The following SLC9C1 variants were observed in gnomAD, a reference collection of about 807,000 sequenced individuals.
SLC9C1 encodes solute carrier family 9 member C1.
Under a neutral mutation model 140.9 loss-of-function variants are expected in SLC9C1, and 97 were observed. The ratio of observed to expected loss-of-function variants is 0.69; its 90% CI spans 0.58 to 0.82. SLC9C1 has a LOEUF of 0.82. Among genes scored for constraint, SLC9C1 ranks in the 40% least tolerant of loss-of-function variants. The pLI is 0.00. For missense variants in SLC9C1, 1,340 were observed against 1,389.3 expected, an observed-to-expected ratio of 0.96 and a Z score of 0.56; for synonymous variants, 440 against 442.6, an observed-to-expected ratio of 0.99 and a Z score of 0.07.
intron 16 of SLC9C1, among the ~76,000 whole-genome samples, chr3:112,204,710 C>A (rs758397229): frequency 3.3e-5 from 5 of 151,944 alleles, no homozygotes; most frequent in Non-Finnish European, 7.4e-5. Context: ...AAATGTAGTA[C>A]GCCAGGGTGT....
rs1560035098 is a variant in SLC9C1, at chr3:112,179,580, A to G, written c.2870T>C (p.Leu957Ser). 3 of 1,611,110 alleles carry G rather than the reference A, an allele frequency of 1.9e-6. No homozygotes were observed. Among genetic ancestry groups the G allele is most frequent in the Non-Finnish European group, 2.5e-6 (3 of 1,179,056 alleles). Residue 957 changes from leucine (L) to serine (S), a missense_variant, in exon 23 of 29, where the codon TTA becomes TCA. Transcript: ENST00000305815. ...SGEIIGEINC[L>S]TNEPMKYSAT... is the part of the protein sequence containing the mutation. ...AGAATATTTCATAGGTTCATTAGTT[A>G]AGCAGTTTATCTCTCCTATTATTTC...
intron 20 of SLC9C1, among the ~76,000 whole-genome samples, chr3:112,188,550 G>A (rs916651921): frequency 5.9e-5 from 9 of 152,110 alleles, no homozygotes; most frequent in African/African-American, 2.2e-4. Context: ...CCATGTCCCT[G>A]CAAAGGACAT....
chr3:112,161,344 C>T (rs1189942815), intron 26 of SLC9C1, among the ~76,000 whole-genome samples: 2 of 152,080 alleles, frequency 1.3e-5, no homozygotes, highest in Non-Finnish European at 2.9e-5. Context: ...AAGTCCTTGC[C>T]CATGCCTATG....
At chr3:112,198,640 A>C (rs926452485) in intron 20 of SLC9C1, among the ~76,000 whole-genome samples, 1 of 151,944 alleles carries the variant, frequency 6.6e-6, no homozygotes, top group Admixed American at 6.6e-5. Flanking sequence ...ATGAGGGTTA[A>C]ATTTTATCAA....
Position 112,164,641 on chromosome 3 carries a change from C to T in SLC9C1, c.3364+2580G>A, listed in dbSNP as rs149430956. ...CTTGTAGAGTTTCTCCTGAGAGGTC[C>T]GCTATTAGTCGGATGGGCTTCCCTT... On this transcript the variant is annotated intron_variant, in intron 26 of 28. Coordinates refer to ENST00000305815, the MANE Select transcript of SLC9C1 (RefSeq NM_183061.3). 1.2e-3 allele frequency among the ~76,000 whole-genome samples: 188 copies of T among 151,206 alleles called. 3 individuals are homozygous for T. The East Asian group carries it at 0.014, about 11-fold the overall frequency.
chr3:112,238,111 G>T (rs978088913), intron 12 of SLC9C1, among the ~76,000 whole-genome samples: 1 of 152,112 alleles, frequency 6.6e-6, no homozygotes, highest in Non-Finnish European at 1.5e-5. Context: ...ACGTAGATTT[G>T]GTCTTTTCAC....
rs571631608 is a variant in SLC9C1, at chr3:112,230,537, T to C, written c.1572+824A>G. Among the ~76,000 whole-genome samples the C allele has an allele frequency of 3.3e-5, 5 of 152,320 alleles. No homozygotes were observed. In the East Asian group the frequency reaches 7.7e-4, roughly 24 times the overall value. On this transcript the variant is annotated intron_variant, in intron 13 of 28. Transcript: ENST00000305815. ...CACGGCCTCAATTGCTTAAAGAAGT[T>C]ATTTATGTCCTTAAAATAGTTGCCT...
At chr3:112,154,180 T>C (rs761541009) in intron 27 of SLC9C1, among the ~76,000 whole-genome samples, 6 of 152,300 alleles carry the variant, frequency 3.9e-5, no homozygotes, top group Admixed American at 2.6e-4. Flanking sequence ...ATATACAATT[T>C]TATGGCTTGT....
intron 28 of SLC9C1, among the ~76,000 whole-genome samples, chr3:112,148,181 T>G (rs960364160): frequency 3.9e-5 from 6 of 152,222 alleles, no homozygotes; most frequent in Admixed American, 3.3e-4. Context: ...TTAAGGTTTC[T>G]TTGTGTTGAT....
intron 28 of SLC9C1, among the ~76,000 whole-genome samples, chr3:112,144,878 A>T (rs1000492553): frequency 2.0e-5 from 3 of 152,122 alleles, no homozygotes; most frequent in Admixed American, 1.3e-4. Context: ...ATAAAATCAT[A>T]TTGTCTGTAA....
intron 22 of SLC9C1, 133 bp from the exon 23 acceptor site, chr3:112,179,834 T>C: frequency 1.4e-6 from 1 of 696,060 alleles, no homozygotes. Flanking sequence ...AAATATTTTA[T>C]TTCTTTTTAA....
chr3:112,203,313 G>A lies in SLC9C1; in HGVS notation c.2172+905C>T, dbSNP rs75581133. On this transcript the variant is annotated intron_variant, in intron 17 of 28. Transcript: ENST00000305815. ...TCATCTGAACTATTTGTTAGGCTCT[G>A]TATACCTTCCTATCAGAATTAATTC... Among the ~76,000 whole-genome samples, 1,421 of 152,032 alleles carry A rather than the reference G, an allele frequency of 9.3e-3. 52 individuals carry two copies. The East Asian group carries it at 0.1, about 11-fold the overall frequency.
chr3:112,290,024 G>A (rs924794870), intron 1 of SLC9C1, among the ~76,000 whole-genome samples: 2 of 152,162 alleles, frequency 1.3e-5, no homozygotes, highest in African/African-American at 2.4e-5. Context: ...AGCAACTGGT[G>A]TTTAGAAACA....
intron 10 of SLC9C1, among the ~76,000 whole-genome samples, chr3:112,262,058 C>G (rs1317051638): frequency 2.6e-5 from 4 of 151,950 alleles, no homozygotes; most frequent in Non-Finnish European, 5.9e-5. Flanking sequence ...AGTGAGGAAA[C>G]TGATACTTGA....
intron 24 of SLC9C1, 28 bp from the exon 25 acceptor site, chr3:112,169,090 A>AT: frequency 6.3e-7 from 1 of 1,576,088 alleles, no homozygotes; most frequent in Non-Finnish European, 8.6e-7. Context: ...ATTTCAGTCT[A>AT]TTATTAGTCT....
At chr3:112,280,635 A>G in intron 3 of SLC9C1, 48 bp downstream of exon 3, 1 of 1,496,804 alleles carries the variant, frequency 6.7e-7, no homozygotes, top group South Asian at 1.3e-5. Flanking sequence ...CTCTGCATTT[A>G]TATAATTCTC....
Position 112,278,774 on chromosome 3 carries a change from A to C in SLC9C1, c.273T>G (p.Thr91=). The C allele has an allele frequency of 6.2e-7, 1 of 1,610,952 alleles. No individual in the cohort carries two copies. The highest frequency in any genetic ancestry group is 8.5e-7 in the Non-Finnish European group (1 of 1,178,718). ...GCATGTACGTATCCATGTCAAATGC[A>C]GTAGTAAAGAAAACTACTGGTGTAA... ...RIFTPVVFFT[T]AFDMDTYMLQ... The change falls in exon 4 of 29, where the codon ACT becomes ACG. Residue 91 remains threonine, a synonymous_variant. Coordinates refer to ENST00000305815, the MANE Select transcript of SLC9C1 (RefSeq NM_183061.3).
intron 5 of SLC9C1, among the ~76,000 whole-genome samples, chr3:112,276,217 C>T (rs1014542975): frequency 4.6e-5 from 7 of 151,984 alleles, no homozygotes; most frequent in Non-Finnish European, 1.0e-4. Flanking sequence ...GTATAATTAT[C>T]CCATTTTAGA....
At chr3:112,141,534 A>G (rs1222817354) in intron 28 of SLC9C1, among the ~76,000 whole-genome samples, 1 of 152,182 alleles carries the variant, frequency 6.6e-6, no homozygotes, top group East Asian at 1.9e-4. Context: ...TAAAATGAAC[A>G]GGCATAGTTT....
Sources: allele counts gnomAD v4.1 joint callset (sites outside exome capture counted in the v4.1 genomes callset), GRCh38; gene constraint gnomAD v4.1.1; transcripts MANE v1.5; gene names NCBI Gene and HGNC (gene_info 2026-07-23, HGNC 2026-07-21).